Variants in TMEM150A observed in about 807,000 individuals in gnomAD.
The protein encoded by TMEM150A is transmembrane protein 150A, also known as fasting-inducible integral membrane protein TM6P1.
Under a neutral mutation model 29.8 loss-of-function variants are expected in TMEM150A, and 18 were observed. That is an observed-to-expected ratio of 0.60 (90% CI 0.42 to 0.90). The LOEUF (loss-of-function observed/expected upper bound fraction) is 0.90, where lower values mean the gene tolerates loss of function less well. TMEM150A is among the 40% of genes least tolerant of loss of function. The probability of loss-of-function intolerance (pLI) is 0.00; values close to 1 mark genes in which losing one functional copy is unlikely to be tolerated. For synonymous variants in TMEM150A, 127 were observed against 143.6 expected, an observed-to-expected ratio of 0.88 and a Z score of 0.83; for missense variants, 251 against 349.7, an observed-to-expected ratio of 0.72 and a Z score of 2.25.
At position 85,601,059 on chromosome 2, in the gene TMEM150A, G is replaced by C; in HGVS notation, c.162C>G (p.Pro54=). 1 of 1,612,716 alleles carries C rather than the reference G, an allele frequency of 6.2e-7. No individual in the cohort carries two copies. The highest frequency in any genetic ancestry group is 8.5e-7 in the Non-Finnish European group (1 of 1,179,518). The change falls in exon 4 of 8, where the codon CCC becomes CCG. Residue 54 remains proline (P), a synonymous_variant. Coordinates refer to ENST00000334462, the MANE Select transcript of TMEM150A (RefSeq NM_001031738.3). The surrounding 1 kb of genome is among the most constrained non-coding windows in gnomAD (Gnocchi z 4.0). ...CATCGTCCAGGGTGCAGCAGGTCTT[G>C]GGACCCCCTTGCTCAGCAGGGTCAG... The part of the protein sequence containing the change: ...CPPDPAEQGG[P]KTCCTLDDVP...
chr2:85,600,113 C>T, intron 5 of TMEM150A, 95 bp from the exon 6 acceptor site: 20 of 1,524,496 alleles, frequency 1.3e-5, no homozygotes, highest in Non-Finnish European at 1.8e-5. Flanking sequence ...GCTCCTGCCC[C>T]TTCTGAGGGG....
Position 85,601,289 on chromosome 2 carries a change from G to A in TMEM150A, c.113+146C>T. ...CAAAGGGATAGTGGGAAGTGGGTAG[G>A]TGGCAAGAAGCCATGCCTGGGGACC... is the stretch of plus-strand genomic sequence containing the variant. On this transcript the variant is annotated intron_variant, in intron 3 of 7. Transcript: ENST00000334462. This position sits in a 1 kb window ranked among gnomAD's most constrained non-coding sequence, Gnocchi z 4.0. 8.3e-7 allele frequency: 1 copy of A among 1,208,970 alleles called. No individual in the cohort carries two copies. Among genetic ancestry groups the A allele is most frequent in the Non-Finnish European group, 1.2e-6 (1 of 813,178 alleles). 74.9% of individuals were successfully genotyped at this position (1,208,970 alleles called of 1,614,324 possible). A position where few individuals can be genotyped will look rare whatever the true frequency, so the allele number is the denominator to read the frequency against.
chr2:85,601,681 C>T lies in TMEM150A; in HGVS notation c.66-199G>A. Reference sequence around the variant, plus strand: ...AGCTACAGGCCCTCTGGAAATTGCCCTGGCTAGAAGTATATTTGTCAGGGC... The same window carrying T: ...AGCTACAGGCCCTCTGGAAATTGCCTTGGCTAGAAGTATATTTGTCAGGGC... On this transcript the variant is annotated intron_variant, in intron 2 of 7. Coordinates refer to ENST00000334462, the MANE Select transcript of TMEM150A (RefSeq NM_001031738.3). The surrounding 1 kb of genome is among the most constrained non-coding windows in gnomAD (Gnocchi z 4.0). 1.2e-6 allele frequency: 1 copy of T among 864,064 alleles called. No individual in the cohort carries two copies. Among genetic ancestry groups the T allele is most frequent in the South Asian group, 1.6e-5 (1 of 61,832 alleles). The allele number at this position is 864,064 out of a possible 1,614,324, so 53.5% of individuals were successfully genotyped here.
At position 85,598,946 on chromosome 2, in the gene TMEM150A, C is replaced by G; in HGVS notation, c.*130G>C. On this transcript the variant is annotated 3_prime_UTR_variant, in exon 8 of 8. Coordinates refer to ENST00000334462, the MANE Select transcript of TMEM150A (RefSeq NM_001031738.3). ...GGCACAGGTGGGCATGGGATGGCCA[C>G]TTCTCCAGAAGTGAGGAAGCCCAGA... 7.2e-7 allele frequency: 1 copy of G among 1,390,604 alleles called. No homozygotes were observed. Among genetic ancestry groups the G allele is most frequent in the Admixed American group, 2.6e-5 (1 of 38,574 alleles). The allele number at this position is 1,390,604 out of a possible 1,614,324, so 86.1% of individuals were successfully genotyped here. A position where few individuals can be genotyped will look rare whatever the true frequency, so the allele number is the denominator to read the frequency against.
chr2:85,599,380 A>T lies in TMEM150A; in HGVS notation c.575-63T>A. 1 of 1,600,648 alleles carries T rather than the reference A, an allele frequency of 6.2e-7. No homozygotes were observed. The highest frequency in any genetic ancestry group is 1.1e-5 in the South Asian group (1 of 89,478). On this transcript the variant is annotated intron_variant, in intron 7 of 7. Transcript: ENST00000334462. This position sits in a 1 kb window ranked among gnomAD's most constrained non-coding sequence, Gnocchi z 6.0. ...GGAAACCTGGCAACACCCCTTCTGC[A>T]GTCTCAGGCCTCACCTCTCCAAAGG...
chr2:85,600,883 A>C (rs1053926637), intron 4 of TMEM150A, 138 bp downstream of exon 4: 1 of 722,854 alleles, frequency 1.4e-6, no homozygotes, highest in African/African-American at 1.8e-5. Flanking sequence ...CCTGCCCCAC[A>C]GTAACTGTCA....
In TMEM150A at chr2:85,599,484, C is replaced by A; in HGVS notation, c.574+41G>T. 1 of 1,583,410 alleles carries A rather than the reference C, an allele frequency of 6.3e-7. No individual in the cohort carries two copies. On this transcript the variant is annotated intron_variant, in intron 7 of 7. Transcript: ENST00000334462. The surrounding 1 kb of genome is among the most constrained non-coding windows in gnomAD (Gnocchi z 6.0). ...CCTCTTGGGAGGGAGAAAGGTTGAG[C>A]TAGAGGATGAGTTCCTGGCTGCCCC...
Position 85,601,763 on chromosome 2 carries a change from C to T in TMEM150A, c.65+121G>A. On this transcript the variant is annotated intron_variant, in intron 2 of 7. Transcript: ENST00000334462. This position sits in a 1 kb window ranked among gnomAD's most constrained non-coding sequence, Gnocchi z 4.0. ...TCCCAAGGGGCTGTGTGCCCAGGCA[C>T]CAAGTCAGGCTTTTGAGACACCCAG... is the stretch of plus-strand genomic sequence containing the variant. 3 of 1,212,176 alleles carry T rather than the reference C, an allele frequency of 2.5e-6. No homozygotes were observed. The South Asian group carries it at 4.1e-5, about 17-fold the overall frequency. The allele number at this position is 1,212,176 out of a possible 1,614,324, so 75.1% of individuals were successfully genotyped here.
In TMEM150A at chr2:85,602,015, C is replaced by T. The variant is rs1216484430; in HGVS notation, c.-67G>A. On this transcript the variant is annotated 5_prime_UTR_variant, in exon 2 of 8. Transcript: ENST00000334462. This position sits in a 1 kb window ranked among gnomAD's most constrained non-coding sequence, Gnocchi z 5.6. ...CAAGAGGTAGATGGGGAAGTGGGGG[C>T]GGACCAGCTACCTTGAGATGTTTCT... 2.2e-6 allele frequency: 3 copies of T among 1,370,222 alleles called. No homozygotes were observed. The highest frequency in any genetic ancestry group is 3.1e-6 in the Non-Finnish European group (3 of 960,196). The allele number at this position is 1,370,222 out of a possible 1,614,324, so 84.9% of individuals were successfully genotyped here.
intron 4 of TMEM150A, 177 bp downstream of exon 4, chr2:85,600,844 A>G: frequency 1.7e-6 from 1 of 599,962 alleles, no homozygotes; most frequent in Non-Finnish European, 2.9e-6. Context: ...ATGAAAAGAG[A>G]CAATGCATAT....
Position 85,599,217 on chromosome 2 carries a change from G to A in TMEM150A, c.675C>T (p.Phe225=), listed in dbSNP as rs747884787. ...AGGAGACTGCCCCAAACTCGTAGCT[G>A]AAGGTGCCATAGAAAATGAGGATAT... The part of the protein sequence containing the change: ...VIDILIFYGT[F]SYEFGAVSSD... The change falls in exon 8 of 8, where the codon TTC becomes TTT. Residue 225 remains phenylalanine (F), a synonymous_variant. Coordinates refer to ENST00000334462, the MANE Select transcript of TMEM150A (RefSeq NM_001031738.3). This position sits in a 1 kb window ranked among gnomAD's most constrained non-coding sequence, Gnocchi z 6.0. 4.3e-6 allele frequency: 7 copies of A among 1,613,956 alleles called. No individual in the cohort carries two copies. The South Asian group carries it at 7.7e-5, about 18-fold the overall frequency.
chr2:85,600,638 C>A (rs6718028), intron 4 of TMEM150A: 15,936 of 577,364 alleles, frequency 0.028, 1,968 homozygotes, highest in African/African-American at 0.26. Context: ...AGTGTTCGGG[C>A]AACCCTGACA....
Position 85,600,432 on chromosome 2 carries a change from CAGAGTA to C in TMEM150A, c.201-26_201-21del. On this transcript the variant is annotated intron_variant, in intron 4 of 7. Transcript: ENST00000334462. ...CACTTGCTGCGAGGAGGGGGAAGGA[CAGAGTA>C]AGAGGGGTGCAGGAGGCCCGGGGGG... The C allele has an allele frequency of 6.2e-7, 1 of 1,613,458 alleles. No individual in the cohort carries two copies. Among genetic ancestry groups the C allele is most frequent in the Non-Finnish European group, 8.5e-7 (1 of 1,179,660 alleles).
Position 85,601,917 on chromosome 2 carries a change from A to C in TMEM150A, c.32T>G (p.Leu11Arg). 1.2e-6 allele frequency: 2 copies of C among 1,614,038 alleles called. No homozygotes were observed. Among genetic ancestry groups the C allele is most frequent in the Non-Finnish European group, 1.7e-6 (2 of 1,179,938 alleles). ...TATGCCAGTGATGGAGAACGCTGAC[A>C]GGCTGACAGGCAGGAGGATCCAGGC... Reference protein sequence around the residue: MTAWILLPVSLSAFSITGIWT... With the variant: MTAWILLPVSRSAFSITGIWT... Residue 11 changes from leucine to arginine, a missense_variant, in exon 2 of 8, where the codon CTG (leucine) becomes CGG (arginine). Coordinates refer to ENST00000334462, the MANE Select transcript of TMEM150A (RefSeq NM_001031738.3). The surrounding 1 kb of genome is among the most constrained non-coding windows in gnomAD (Gnocchi z 4.0).
At chr2:85,600,646 A>G in intron 4 of TMEM150A, 1 of 572,936 alleles carries the variant, frequency 1.7e-6, no homozygotes, top group Non-Finnish European at 3.1e-6. Context: ...GGCAACCCTG[A>G]CACTCTTTGC....
Position 85,602,249 on chromosome 2 carries a change from G to A in TMEM150A, c.-116-185C>T. The stretch of plus-strand genomic sequence containing the variant: ...TCCGCGGTCAACCCAAATGCCACCG[G>A]CGTGCTGAGAGACGCAGGCGGACCG... On this transcript the variant is annotated intron_variant, in intron 1 of 7. Transcript: ENST00000334462. This position sits in a 1 kb window ranked among gnomAD's most constrained non-coding sequence, Gnocchi z 5.6. 1 of 327,872 alleles carries A rather than the reference G, an allele frequency of 3.0e-6. No individual in the cohort carries two copies. Among genetic ancestry groups the A allele is most frequent in the Non-Finnish European group, 5.8e-6 (1 of 171,414 alleles). 20.3% of individuals were successfully genotyped at this position (327,872 alleles called of 1,614,324 possible).
chr2:85,599,375 T>G lies in TMEM150A; in HGVS notation c.575-58A>C, dbSNP rs1672801440. Reference sequence around the variant, plus strand: ...CATACGGAAACCTGGCAACACCCCTTCTGCAGTCTCAGGCCTCACCTCTCC... The same window carrying G: ...CATACGGAAACCTGGCAACACCCCTGCTGCAGTCTCAGGCCTCACCTCTCC... On this transcript the variant is annotated intron_variant, in intron 7 of 7. Transcript: ENST00000334462. The surrounding 1 kb of genome is among the most constrained non-coding windows in gnomAD (Gnocchi z 6.0). 6.2e-7 allele frequency: 1 copy of G among 1,602,562 alleles called. No homozygotes were observed.
Position 85,600,372 on chromosome 2 carries a change from G to A in TMEM150A, c.241C>T (p.Leu81Phe). The stretch of plus-strand genomic sequence containing the variant: ...ATGAAAGCACCCATGTTGCCAATGA[G>A]GCTGAAGAGGCAGCTTTCTGGGGGA... ...SYPPESCLFS[L>F]IGNMGAFMVA... Residue 81 changes from leucine (L) to phenylalanine (F), a missense_variant, in exon 5 of 8, where the codon CTC (leucine) becomes TTC (phenylalanine). Leu to Phe is a conservative substitution (Grantham distance 22). Transcript: ENST00000334462. The A allele has an allele frequency of 6.2e-7, 1 of 1,614,006 alleles. No homozygotes were observed. The highest frequency in any genetic ancestry group is 8.5e-7 in the Non-Finnish European group (1 of 1,179,980).
rs1340596444 is a variant in TMEM150A, at chr2:85,600,017, C to T, written c.270G>A (p.Val90=). The change falls in exon 6 of 8, where the codon GTG becomes GTA. Residue 90 remains valine, a splice_region_variant and synonymous_variant. Coordinates refer to ENST00000334462, the MANE Select transcript of TMEM150A (RefSeq NM_001031738.3). ...CGTAGCGCAGGAGGCAGATCAGGGC[C>T]ACTGGGGGAGGAGAGCACAGTTGAG... ...SLIGNMGAFM[V]ALICLLRYGQ... is the part of the protein sequence containing the mutation. 6.2e-7 allele frequency: 1 copy of T among 1,612,232 alleles called. No individual in the cohort carries two copies. The highest frequency in any genetic ancestry group is 1.7e-5 in the Admixed American group (1 of 60,020).
Sources: gnomAD v4.1 joint callset for allele counts on GRCh38, gnomAD v4.1.1 for gene constraint, Gnocchi (gnomAD v3.1) non-coding constraint, MANE v1.5 for transcripts, NCBI Gene and HGNC (gene_info 2026-07-23, HGNC 2026-07-21) for gene names.